The following USP43 variants were observed in gnomAD, a reference collection of about 807,000 sequenced individuals.
USP43 encodes ubiquitin carboxyl-terminal hydrolase 43.
Under a neutral mutation model 90.7 loss-of-function variants are expected in USP43, and 33 were observed. The ratio of observed to expected loss-of-function variants is 0.36; its 90% confidence interval spans 0.28 to 0.49. USP43 has a LOEUF of 0.49. Ranked by LOEUF, USP43 falls within the 20% of genes least tolerant of loss-of-function variation. The pLI is 0.98. For synonymous variants in USP43, 598 were observed against 615.8 expected (o/e 0.97, Z 0.43); for missense variants, 1,274 against 1,476.4 (o/e 0.86, Z 2.25).
At chr17:9,681,208 A>ATAGTATATATTATATAG (rs1567660831) in intron 6 of USP43, among the ~76,000 whole-genome samples, 2 of 60,818 alleles carry the variant, frequency 3.3e-5, no homozygotes, top group African/African-American at 1.0e-4. Flanking sequence ...ACTATATAAT[A>ATAGTATATATTATATAG]TATACATTAT....
At chr17:9,680,086 A>C in intron 5 of USP43, 145 bp from the exon 6 acceptor site, 2 of 690,982 alleles carry the variant, frequency 2.9e-6, no homozygotes, top group South Asian at 4.6e-5. Context: ...GGTTGTATCT[A>C]CTATGCTGCC....
At chr17:9,667,597 A>T (rs1913123601) in intron 3 of USP43, among the ~76,000 whole-genome samples, 1 of 152,210 alleles carries the variant, frequency 6.6e-6, no homozygotes, top group African/African-American at 2.4e-5. Context: ...TGGACTTCTC[A>T]GAGGAAGTGT....
intron 4 of USP43, among the ~76,000 whole-genome samples, chr17:9,676,050 A>C (rs570887723): frequency 2.0e-5 from 3 of 152,284 alleles, no homozygotes; most frequent in African/African-American, 7.2e-5. Context: ...TGGGAAGGGG[A>C]AGCAGAGATT....
chr17:9,724,242 A>G (rs912648823), intron 14 of USP43, among the ~76,000 whole-genome samples: 1 of 152,060 alleles, frequency 6.6e-6, no homozygotes, highest in Non-Finnish European at 1.5e-5. Flanking sequence ...TTGGAGATGG[A>G]GAAGCTTCAA....
At chr17:9,663,001 A>G (rs1912750455) in intron 2 of USP43, among the ~76,000 whole-genome samples, 1 of 151,986 alleles carries the variant, frequency 6.6e-6, no homozygotes, top group Non-Finnish European at 1.5e-5. Flanking sequence ...TATTTTTAGT[A>G]GAGACGGGAT....
intron 12 of USP43, among the ~76,000 whole-genome samples, chr17:9,708,097 G>A (rs12450479): frequency 0.053 from 8,097 of 152,262 alleles, 265 homozygotes; most frequent in Middle Eastern, 0.095. Context: ...AGCAGAGCTC[G>A]TAGCATGTGC....
intron 9 of USP43, among the ~76,000 whole-genome samples, chr17:9,697,971 C>A (rs189216790): frequency 2.6e-5 from 4 of 152,314 alleles, no homozygotes; most frequent in African/African-American, 9.6e-5. Context: ...TCTAAGCATT[C>A]TCTTTTCTCT....
chr17:9,675,008 G>C (rs879915364), intron 4 of USP43, 25 bp downstream of exon 4: 1 of 1,596,878 alleles, frequency 6.3e-7, no homozygotes, highest in Non-Finnish European at 8.6e-7. Flanking sequence ...CGGCTTGCCC[G>C]GTGAACTTGA....
Position 9,652,447 on chromosome 17 carries a change from C to T in USP43, c.505-3956C>T, listed in dbSNP as rs553523102. On this transcript the variant is annotated intron_variant, in intron 1 of 14. Transcript: ENST00000285199. Reference sequence around the variant, plus strand: ...CACCATCTCGGCTCACTGCAAGCTCCGCCTCCCGGGTTCAAGTGATTCTTC... The same window carrying T: ...CACCATCTCGGCTCACTGCAAGCTCTGCCTCCCGGGTTCAAGTGATTCTTC... 5.3e-5 allele frequency among the ~76,000 whole-genome samples: 8 copies of T among 151,790 alleles called. No homozygotes were observed. In the East Asian group the frequency reaches 9.7e-4, roughly 18 times the overall value.
At chr17:9,683,858 G>A (rs889584109) in intron 7 of USP43, among the ~76,000 whole-genome samples, 3 of 152,144 alleles carry the variant, frequency 2.0e-5, no homozygotes, top group Non-Finnish European at 2.9e-5. Flanking sequence ...GTTGACTAGA[G>A]AGGTAACTAG....
chr17:9,650,726 G>A (rs989493934), intron 1 of USP43, among the ~76,000 whole-genome samples: 33 of 152,070 alleles, frequency 2.2e-4, no homozygotes, highest in African/African-American at 7.2e-4. Context: ...GAACATTTAC[G>A]ATCTATTCCC....
chr17:9,684,063 G>C (rs546837865), intron 7 of USP43, among the ~76,000 whole-genome samples: 2 of 152,052 alleles, frequency 1.3e-5, no homozygotes, highest in African/African-American at 4.8e-5. Context: ...CTTGAACCCA[G>C]GAGGCAAATG....
intron 2 of USP43, among the ~76,000 whole-genome samples, chr17:9,663,043 C>T (rs1912753191): frequency 1.3e-5 from 2 of 151,996 alleles, no homozygotes; most frequent in Admixed American, 1.3e-4. Flanking sequence ...GTCTCGAACT[C>T]CTGACCTCAA....
rs559138916 is a variant in USP43, at chr17:9,674,720, G to A, written c.741-171G>A. On this transcript the variant is annotated intron_variant, in intron 3 of 14. Coordinates refer to ENST00000285199, the MANE Select transcript of USP43 (RefSeq NM_153210.5). The surrounding 1 kb of genome is among the most constrained non-coding windows in gnomAD (Gnocchi z 4.4). ...CACCTTAACTATTGTGAATAGAGCAGCTATGAACACTTGTGTACAAGTATT... is the reference window on the plus strand; with the variant it reads ...CACCTTAACTATTGTGAATAGAGCAACTATGAACACTTGTGTACAAGTATT... Among the ~76,000 whole-genome samples, 2 of 152,340 alleles carry A rather than the reference G, an allele frequency of 1.3e-5. No individual in the cohort carries two copies. The highest frequency in any genetic ancestry group is 2.4e-5 in the African/African-American group (1 of 41,578).
intron 8 of USP43, among the ~76,000 whole-genome samples, chr17:9,691,590 C>T (rs1707979058): frequency 6.6e-6 from 1 of 152,064 alleles, no homozygotes; most frequent in Non-Finnish European, 1.5e-5. Context: ...CTTAGATATA[C>T]ACCTAAGAGA....
At chr17:9,712,533 T>C (rs772616481) in intron 14 of USP43, among the ~76,000 whole-genome samples, 11 of 152,052 alleles carry the variant, frequency 7.2e-5, no homozygotes, top group Non-Finnish European at 7.4e-5. Flanking sequence ...AGCAGAGCTC[T>C]GAGTGAGAGA....
rs200198679 is a variant in USP43 at position 9,728,907 on chromosome 17, G to A, written c.3289G>A (p.Ala1097Thr). ...MSQRTVPGEQASYGTFQRVKY... is the reference protein window; with the variant it reads ...MSQRTVPGEQTSYGTFQRVKY... ...ACAAAGGACTGTTCCAGGGGAGCAG[G>A]CTTCTTATGGCACCTTTCAGAGAGT... Residue 1097 changes from alanine to threonine, a missense_variant, in exon 15 of 15, where the codon GCT becomes ACT. Ala to Thr is a moderately conservative substitution (Grantham distance 58). This residue lies in a region of USP43 where 353 missense variants were observed against 329.7 expected (regional missense o/e 1.07). Coordinates refer to ENST00000285199, the MANE Select transcript of USP43 (RefSeq NM_153210.5). This position sits in a 1 kb window ranked among gnomAD's most constrained non-coding sequence, Gnocchi z 6.2. The A allele has an allele frequency of 3.7e-6, 6 of 1,612,750 alleles. No homozygotes were observed. In the South Asian group the frequency reaches 4.4e-5, roughly 12 times the overall value.
In USP43 at chr17:9,680,248, G is replaced by A; in HGVS notation, c.987G>A (p.Leu329=). 1 of 1,613,716 alleles carries A rather than the reference G, an allele frequency of 6.2e-7. No individual in the cohort carries two copies. Among genetic ancestry groups the A allele is most frequent in the Non-Finnish European group, 8.5e-7 (1 of 1,179,756 alleles). ...VPADEVILVE[L]YPSGFQRSFF... is the part of the protein sequence containing the mutation. ...CATTTCAGGTGATCTTGGTTGAACT[G>A]TATCCCAGTGGATTCCAGCGGTCTT... The change falls in exon 6 of 15, where the codon CTG becomes CTA. Residue 329 remains leucine, a synonymous_variant. Transcript: ENST00000285199.
Position 9,728,966 on chromosome 17 carries a change from A to T in USP43, c.3348A>T (p.Lys1116Asn). 1 of 1,584,406 alleles carries T rather than the reference A, an allele frequency of 6.3e-7. No individual in the cohort carries two copies. Among genetic ancestry groups the T allele is most frequent in the Admixed American group, 1.8e-5 (1 of 56,316 alleles). ...ACACTCTTTCTTTAGGTCGAAAGAA[A>T]ACCTTACCGGAGTCCAGCTTTTGAT... is the stretch of plus-strand genomic sequence containing the variant. ...KYHTLSLGRK[K>N]TLPESSF is the part of the protein sequence containing the mutation. The change falls in exon 15 of 15, where the codon AAA becomes AAT. Residue 1116 changes from lysine to asparagine, a missense_variant. Physicochemically the swap from Lys to Asn is moderately conservative, Grantham distance 94. Transcript: ENST00000285199. This position sits in a 1 kb window ranked among gnomAD's most constrained non-coding sequence, Gnocchi z 6.2.
Sources: gnomAD v4.1 joint callset for allele counts (sites outside exome capture counted in the v4.1 genomes callset) on GRCh38, gnomAD v4.1.1 for gene constraint, gnomAD v4.1.1 regional missense constraint, Gnocchi (gnomAD v3.1) non-coding constraint, MANE v1.5 for transcripts, NCBI Gene and HGNC (gene_info 2026-07-23, HGNC 2026-07-21) for gene names.